Variants in LONRF3 observed in about 807,000 individuals in gnomAD.
The protein encoded by LONRF3 is LON peptidase N-terminal domain and RING finger protein 3.
A neutral mutation model predicts 51.7 loss-of-function variants in LONRF3; 19 were observed. The observed-to-expected ratio is 0.37, with a 90% CI of 0.26 to 0.54. The LOEUF is 0.54. LONRF3 is among the 20% of genes least tolerant of loss of function. The pLI is 0.86. For missense variants in LONRF3, 521 were observed against 623.9 expected, an observed-to-expected ratio of 0.84 and a Z score of 1.76; for synonymous variants, 265 against 257.8, an observed-to-expected ratio of 1.03 and a Z score of -0.27.
Position 119,017,670 on chromosome X carries a change from A to G in LONRF3, c.2260A>G (p.Ile754Val). Residue 754 changes from isoleucine to valine, a missense_variant, in exon 11 of 11, where the codon ATA becomes GTA. Ile to Val is a conservative substitution (Grantham distance 29). This residue lies in a region of LONRF3 where 145 missense variants were observed against 247.2 expected (regional missense o/e 0.59). Transcript: ENST00000371628. Reference sequence around the variant, plus strand: ...TGGTATTCGACGAGTCCTGGCCTTCATATCCCGAAACCAAAACTAGTGAGT... The same window carrying G: ...TGGTATTCGACGAGTCCTGGCCTTCGTATCCCGAAACCAAAACTAGTGAGT... ...LNGIRRVLAF[I>V]SRNQN 1.7e-6 allele frequency: 2 copies of G among 1,195,645 alleles called. No individual in the cohort carries two copies. Among genetic ancestry groups the G allele is most frequent in the Non-Finnish European group, 2.3e-6 (2 of 887,327 alleles).
intron 6 of LONRF3, among the ~76,000 whole-genome samples, chrX:119,006,568 T>TTTTTG (rs10587850): frequency 0.31 from 28,263 of 89,884 alleles, 4,619 homozygotes; most frequent in South Asian, 0.41. Flanking sequence ...GCTCGGCTAA[T>TTTTTG]TTTTGTTTTG....
At chrX:118,999,451 G>T (rs190166739) in intron 5 of LONRF3, among the ~76,000 whole-genome samples, 204 of 110,923 alleles carry the variant, frequency 1.8e-3, no homozygotes, top group African/African-American at 6.4e-3. Flanking sequence ...CTAAGCCCAT[G>T]ATGTGCGCTG....
chrX:119,003,277 C>G (rs888306680), intron 5 of LONRF3, among the ~76,000 whole-genome samples: 1 of 111,351 alleles, frequency 9.0e-6, no homozygotes, highest in Non-Finnish European at 1.9e-5. Flanking sequence ...TGCCTCAGCA[C>G]CCCCGCCTCA....
chrX:118,978,321 G>A (rs1922249467), intron 1 of LONRF3, 24 bp from the exon 2 acceptor site: 1 of 1,067,968 alleles, frequency 9.4e-7, no homozygotes, highest in East Asian at 3.0e-5. Context: ...CATTAATAAA[G>A]GTTTTTCTTT....
Position 119,006,688 on chromosome X carries a change from T to C in LONRF3, c.1530+453T>C, listed in dbSNP as rs373586990. Among the ~76,000 whole-genome samples, 526 of 110,869 alleles carry C rather than the reference T, an allele frequency of 4.7e-3. 10 individuals are homozygous for C. Among genetic ancestry groups the C allele is most frequent in the Admixed American group, 0.025 (266 of 10,496 alleles). The stretch of plus-strand genomic sequence containing the variant: ...CTGCAAGCTCCGCCTCCCGGGTTCA[T>C]GCCATTCTCCTGCCTCAGCCTCCCC... On this transcript the variant is annotated intron_variant, in intron 6 of 10. Coordinates refer to ENST00000371628, the MANE Select transcript of LONRF3 (RefSeq NM_001031855.3).
chrX:119,014,799 C>G (rs1457084151), intron 10 of LONRF3, among the ~76,000 whole-genome samples: 1 of 111,444 alleles, frequency 9.0e-6, no homozygotes, highest in African/African-American at 3.3e-5. Flanking sequence ...GCTTTGGGAA[C>G]TAGGGGATAG....
chrX:118,992,144 G>A (rs1923475002), intron 5 of LONRF3, among the ~76,000 whole-genome samples: 1 of 111,754 alleles, frequency 8.9e-6, no homozygotes, highest in African/African-American at 3.3e-5. Flanking sequence ...GGAGGGCTGT[G>A]GAGCTCCAGA....
chrX:118,974,870 G>T lies in LONRF3; in HGVS notation c.90G>T (p.Ala30=). Residue 30 remains alanine, a synonymous_variant, in exon 1 of 11, where the codon GCG becomes GCT. Transcript: ENST00000371628. ...AGTCGGCGGAGCGAGGGGCATCAGC[G>T]GCCCAAGTAGACATGGGCCCCCACC... ...NLESAERGAS[A]AQVDMGPHPK... The T allele has an allele frequency of 8.3e-7, 1 of 1,204,813 alleles. No homozygotes were observed. Among genetic ancestry groups the T allele is most frequent in the Non-Finnish European group, 1.1e-6 (1 of 892,683 alleles).
At chrX:119,010,743 T>A (rs1263484113) in intron 7 of LONRF3, among the ~76,000 whole-genome samples, 5 of 111,567 alleles carry the variant, frequency 4.5e-5, no homozygotes, top group Non-Finnish European at 7.5e-5. Flanking sequence ...ACTAGACAAA[T>A]AAGACAAGGA....
chrX:119,012,965 A>T, intron 8 of LONRF3, 74 bp from the exon 9 acceptor site: 1 of 1,201,570 alleles, frequency 8.3e-7, no homozygotes, highest in Non-Finnish European at 1.1e-6. Flanking sequence ...GGGCTACAGA[A>T]ATGGCTGGGT....
Position 118,975,210 on chromosome X carries a change from G to T in LONRF3, c.430G>T (p.Ala144Ser), listed in dbSNP as rs753861329. The T allele has an allele frequency of 6.8e-6, 8 of 1,168,390 alleles. No homozygotes were observed. In the South Asian group the frequency reaches 1.5e-4, roughly 22 times the overall value. ...CGTGGCGGCGGAAGAGACGGGGGCC[G>T]CCGCGGCTGCGGCGGCCACCGAGGT... ...GTVAAEETGA[A>S]AAAAATEVWD... Residue 144 changes from alanine to serine, a missense_variant, in exon 1 of 11, where the codon GCC becomes TCC. Around this residue, in one of 2 missense-constraint regions of LONRF3, gnomAD observed 376 missense variants for 376.7 expected, o/e 1.00. Transcript: ENST00000371628.
chrX:118,982,008 A>T (rs1458630048), intron 2 of LONRF3, among the ~76,000 whole-genome samples: 1 of 111,978 alleles, frequency 8.9e-6, no homozygotes, highest in East Asian at 2.8e-4. Flanking sequence ...CTCAAGACAC[A>T]CACAGAGGGC....
chrX:119,006,568 TTTTTGTTTTGTTTTGTTTTG>T (rs10587850), intron 6 of LONRF3, among the ~76,000 whole-genome samples: 12 of 90,053 alleles, frequency 1.3e-4, no homozygotes, highest in Non-Finnish European at 2.2e-4. Flanking sequence ...GCTCGGCTAA[TTTTTGTTTTGTTTTGTTTTG>T]TTTTGTTTTG....
intron 5 of LONRF3, among the ~76,000 whole-genome samples, chrX:118,991,821 G>A (rs981356944): frequency 1.8e-5 from 2 of 111,454 alleles, no homozygotes; most frequent in African/African-American, 6.5e-5. Context: ...TTAACACCTG[G>A]AATAGTGCCT....
At chrX:118,996,900 C>T (rs374846702) in intron 5 of LONRF3, among the ~76,000 whole-genome samples, 2 of 95,390 alleles carry the variant, frequency 2.1e-5, no homozygotes, top group African/African-American at 4.0e-5. Context: ...CCAGCCTGGG[C>T]GACAGAGCTA....
intron 8 of LONRF3, 87 bp downstream of exon 8, chrX:119,012,060 C>T (rs1024000829): frequency 1.0e-6 from 1 of 988,301 alleles, no homozygotes; most frequent in South Asian, 2.2e-5. Context: ...GACAGGGAGG[C>T]CTAGCTCATG....
chrX:118,985,607 C>A (rs901969309), intron 3 of LONRF3, among the ~76,000 whole-genome samples: 1 of 112,165 alleles, frequency 8.9e-6, no homozygotes, highest in African/African-American at 3.2e-5. Context: ...GTTATGTGCC[C>A]TCTAGAAGCT....
At chrX:119,003,845 A>G (rs779437374) in intron 5 of LONRF3, among the ~76,000 whole-genome samples, 5 of 112,339 alleles carry the variant, frequency 4.5e-5, no homozygotes, top group African/African-American at 1.6e-4. Context: ...GCTTTTTCCA[A>G]TAGAGGTCTC....
chrX:118,988,078 G>A (rs1463787041), intron 3 of LONRF3, among the ~76,000 whole-genome samples: 1 of 110,992 alleles, frequency 9.0e-6, no homozygotes, highest in Non-Finnish European at 1.9e-5. Context: ...GCATCTTTAG[G>A]GGGCAGTTTT....
Sources: gnomAD v4.1 joint callset for allele counts (sites outside exome capture counted in the v4.1 genomes callset) on GRCh38, gnomAD v4.1.1 for gene constraint, gnomAD v4.1.1 regional missense constraint, MANE v1.5 for transcripts, NCBI Gene and HGNC (gene_info 2026-07-23, HGNC 2026-07-21) for gene names.